GRIK2: variants seen among roughly 807,000 people sequenced by gnomAD.
The protein encoded by GRIK2 is glutamate ionotropic receptor kainate type subunit 2, also known as glutamate receptor ionotropic, kainate 2.
In GRIK2, 32 loss-of-function variants were observed where a neutral mutation model predicts 100.3. The observed-to-expected ratio is 0.32, with a 90% CI of 0.24 to 0.43. The LOEUF (loss-of-function observed/expected upper bound fraction) is 0.43, where lower values mean the gene tolerates loss of function less well. GRIK2 is among the 20% of genes least tolerant of loss of function. The pLI is 1.00. For synonymous variants in GRIK2, 417 were observed against 389.4 expected (o/e 1.07, Z -0.83); for missense variants, 843 against 1,114.9 (o/e 0.76, Z 3.47).
rs552028829 is a variant in GRIK2, at chr6:101,777,433, G to A, written c.952-22215G>A. On this transcript the variant is annotated intron_variant, in intron 7 of 16. Transcript: ENST00000369134. ...TCCCAAGGTCAGGATCTACCTCTTT[G>A]CCCATCACTGTTAATATCTGTATTA... Among the ~76,000 whole-genome samples, 10 of 152,214 alleles carry A rather than the reference G, an allele frequency of 6.6e-5. 1 individual carries two copies. Among genetic ancestry groups the A allele is most frequent in the Admixed American group, 2.6e-4 (4 of 15,298 alleles).
At chr6:101,472,117 A>T (rs2128256550) in intron 2 of GRIK2, among the ~76,000 whole-genome samples, 1 of 151,950 alleles carries the variant, frequency 6.6e-6, no homozygotes, top group Non-Finnish European at 1.5e-5. Context: ...ATAGAGCAAT[A>T]ATTTATCTAA....
At chr6:101,686,064 C>T (rs546460355) in intron 6 of GRIK2, 116 bp from the exon 7 acceptor site, 2 of 640,240 alleles carry the variant, frequency 3.1e-6, no homozygotes, top group East Asian at 5.4e-5. Context: ...TTTAACGTCA[C>T]TTGACACAAA....
chr6:101,991,816 T>C (rs906429843), intron 14 of GRIK2, among the ~76,000 whole-genome samples: 1 of 151,594 alleles, frequency 6.6e-6, no homozygotes, highest in African/African-American at 2.4e-5. Flanking sequence ...TTAAAAGTTC[T>C]ATGTTTTCCT....
At chr6:101,441,889 C>G (rs1381995727) in intron 2 of GRIK2, among the ~76,000 whole-genome samples, 1 of 151,424 alleles carries the variant, frequency 6.6e-6, no homozygotes, top group Non-Finnish European at 1.5e-5. Flanking sequence ...TTTGCCAAAG[C>G]TACAGAACAT....
intron 10 of GRIK2, among the ~76,000 whole-genome samples, chr6:101,858,380 T>TG (rs1283373399): frequency 6.8e-6 from 1 of 147,716 alleles, no homozygotes; most frequent in African/African-American, 2.5e-5. Context: ...CTCTCTATTT[T>TG]TTTTTCTTTT....
At chr6:101,484,957 T>C (rs79805174) in intron 2 of GRIK2, among the ~76,000 whole-genome samples, 6,684 of 152,222 alleles carry the variant, frequency 0.044, 207 homozygotes, top group South Asian at 0.097. Context: ...GCTCCGGTCT[T>C]GAAGGAATAA....
chr6:101,774,154 A>T (rs1778589525), intron 7 of GRIK2, among the ~76,000 whole-genome samples: 1 of 152,178 alleles, frequency 6.6e-6, no homozygotes, highest in South Asian at 2.1e-4. Context: ...ATTTGAACTC[A>T]TGGACCTAAA....
chr6:101,721,735 G>A (rs1212564176), intron 7 of GRIK2, among the ~76,000 whole-genome samples: 1 of 150,862 alleles, frequency 6.6e-6, no homozygotes, highest in African/African-American at 2.4e-5. Context: ...TCTTTCTGTT[G>A]TTTGCATTTC....
At chr6:101,614,776 TATTAA>T (rs1423112795) in intron 2 of GRIK2, among the ~76,000 whole-genome samples, 1 of 151,774 alleles carries the variant, frequency 6.6e-6, no homozygotes, top group Non-Finnish European at 1.5e-5. Flanking sequence ...TCAGTTTCTT[TATTAA>T]ATTAAAGTCT....
intron 2 of GRIK2, among the ~76,000 whole-genome samples, chr6:101,512,059 T>TAC (rs1268704263): frequency 5.8e-5 from 2 of 34,722 alleles, no homozygotes; most frequent in Admixed American, 6.4e-4. Context: ...GATACATACA[T>TAC]ATATATATAT....
intron 14 of GRIK2, among the ~76,000 whole-genome samples, chr6:102,006,390 A>AT (rs34620995): frequency 0.018 from 2,080 of 114,076 alleles, 33 homozygotes; most frequent in African/African-American, 0.035. Context: ...ATATATATAT[A>AT]TTTTTTTTTT....
intron 7 of GRIK2, among the ~76,000 whole-genome samples, chr6:101,782,857 C>CTTTTT (rs1158965622): frequency 4.6e-5 from 6 of 130,818 alleles, no homozygotes; most frequent in Non-Finnish European, 3.2e-5. Context: ...ACTCAAATCT[C>CTTTTT]TTTTTTTTTT....
At chr6:101,848,148 C>T (rs75807678) in intron 10 of GRIK2, among the ~76,000 whole-genome samples, 2,633 of 152,196 alleles carry the variant, frequency 0.017, 87 homozygotes, top group African/African-American at 0.06. Context: ...ATCTTCAAGA[C>T]TGTTGTGGAG....
chr6:101,499,231 T>A (rs1225617336), intron 2 of GRIK2, among the ~76,000 whole-genome samples: 1 of 152,146 alleles, frequency 6.6e-6, no homozygotes, highest in Non-Finnish European at 1.5e-5. Context: ...TATGTGATGA[T>A]GAAGTCTGAT....
At chr6:101,492,601 A>T (rs911202805) in intron 2 of GRIK2, among the ~76,000 whole-genome samples, 1 of 151,928 alleles carries the variant, frequency 6.6e-6, no homozygotes, top group Non-Finnish European at 1.5e-5. Context: ...TTTTCTTTCT[A>T]TATAGCACAA....
chr6:101,847,584 A>G (rs917346867), intron 10 of GRIK2, among the ~76,000 whole-genome samples: 4 of 152,174 alleles, frequency 2.6e-5, no homozygotes, highest in South Asian at 4.1e-4. Flanking sequence ...CAAAACAACA[A>G]GAAACAAAAC....
At chr6:101,474,167 A>G (rs1772103404) in intron 2 of GRIK2, among the ~76,000 whole-genome samples, 1 of 151,808 alleles carries the variant, frequency 6.6e-6, no homozygotes, top group Non-Finnish European at 1.5e-5. Flanking sequence ...ACCCACCCCA[A>G]AGAACTTTGA....
intron 10 of GRIK2, among the ~76,000 whole-genome samples, chr6:101,835,004 A>C (rs573490601): frequency 1.3e-5 from 2 of 152,210 alleles, no homozygotes; most frequent in Non-Finnish European, 2.9e-5. Context: ...CCCTGTCTCT[A>C]AATAAATAAA....
At chr6:101,795,187 G>A (rs1162324309) in intron 7 of GRIK2, among the ~76,000 whole-genome samples, 3 of 151,976 alleles carry the variant, frequency 2.0e-5, no homozygotes, top group Non-Finnish European at 4.4e-5. Flanking sequence ...AATTTTTTTG[G>A]ATGGATTTTC....
Sources: gnomAD v4.1 joint callset for allele counts (sites outside exome capture counted in the v4.1 genomes callset) on GRCh38, gnomAD v4.1.1 for gene constraint, MANE v1.5 for transcripts, NCBI Gene and HGNC (gene_info 2026-07-23, HGNC 2026-07-21) for gene names.